SHISA6: variants seen among roughly 807,000 people sequenced by gnomAD.
The protein encoded by SHISA6 is protein shisa-6.
Under a neutral mutation model 47.9 loss-of-function variants are expected in SHISA6, and 22 were observed. The observed-to-expected ratio is 0.46, with a 90% confidence interval of 0.33 to 0.66. The LOEUF (loss-of-function observed/expected upper bound fraction) is 0.66, where lower values mean the gene tolerates loss of function less well. SHISA6 is among the 30% of genes least tolerant of loss of function. The pLI, the probability that SHISA6 is intolerant of heterozygous loss-of-function variation, is 0.02. For missense variants in SHISA6, 680 were observed against 764.6 expected (o/e 0.89, Z 1.30); for synonymous variants, 388 against 337.8 (o/e 1.15, Z -1.63).
chr17:11,313,846 G>C (rs574624573), intron 2 of SHISA6, among the ~76,000 whole-genome samples: 1 of 151,522 alleles, frequency 6.6e-6, no homozygotes, highest in Non-Finnish European at 1.5e-5. Flanking sequence ...AGATGAAGAC[G>C]GAGAGAGAGA....
chr17:11,390,282 C>T (rs1414123315), intron 3 of SHISA6, among the ~76,000 whole-genome samples: 1 of 152,172 alleles, frequency 6.6e-6, no homozygotes, highest in Non-Finnish European at 1.5e-5. Context: ...ACCTCTTTGA[C>T]ATTCATCTAT....
chr17:11,442,281 T>C (rs969642641), intron 3 of SHISA6, among the ~76,000 whole-genome samples: 5 of 151,960 alleles, frequency 3.3e-5, no homozygotes, highest in African/African-American at 1.2e-4. Context: ...TCACCCTGCC[T>C]GGAGTCAGTG....
intron 3 of SHISA6, among the ~76,000 whole-genome samples, chr17:11,383,392 T>C (rs906184559): frequency 6.6e-6 from 1 of 152,206 alleles, no homozygotes; most frequent in Non-Finnish European, 1.5e-5. Context: ...GGTAATTAAA[T>C]AGTCTCAAAG....
intron 2 of SHISA6, among the ~76,000 whole-genome samples, chr17:11,335,304 T>C (rs1911281133): frequency 6.6e-6 from 1 of 152,192 alleles, no homozygotes; most frequent in Non-Finnish European, 1.5e-5. Context: ...GCCAGCCATA[T>C]TGGGTCACTG....
At chr17:11,366,708 A>T (rs1196882677) in intron 2 of SHISA6, among the ~76,000 whole-genome samples, 1 of 152,138 alleles carries the variant, frequency 6.6e-6, no homozygotes, top group East Asian at 1.9e-4. Flanking sequence ...AATCGTCCTG[A>T]TGGGCCTTGC....
chr17:11,342,655 ACAAC>A (rs1331435971), intron 2 of SHISA6, among the ~76,000 whole-genome samples: 3 of 152,210 alleles, frequency 2.0e-5, no homozygotes, highest in African/African-American at 7.2e-5. Flanking sequence ...CCCAAAATAA[ACAAC>A]CAACCCCTCC....
chr17:11,345,295 A>C (rs1911664388), intron 2 of SHISA6, among the ~76,000 whole-genome samples: 1 of 152,062 alleles, frequency 6.6e-6, no homozygotes, highest in African/African-American at 2.4e-5. Context: ...TTTCCTTTCC[A>C]TTGGATAAAT....
chr17:11,514,529 C>T (rs774621058), intron 3 of SHISA6, among the ~76,000 whole-genome samples: 1 of 152,218 alleles, frequency 6.6e-6, no homozygotes. Flanking sequence ...CTGTGGCCTG[C>T]ATTGCATCCA....
At chr17:11,422,490 G>A (rs960397662) in intron 3 of SHISA6, among the ~76,000 whole-genome samples, 1 of 152,194 alleles carries the variant, frequency 6.6e-6, no homozygotes, top group African/African-American at 2.4e-5. Context: ...AGTGGCTTAT[G>A]CCTGTAATCC....
At chr17:11,262,686 G>C (rs1022687366) in intron 1 of SHISA6, among the ~76,000 whole-genome samples, 2 of 152,196 alleles carry the variant, frequency 1.3e-5, no homozygotes, top group East Asian at 1.9e-4. Flanking sequence ...CCTCTTGCAG[G>C]GGGGCGGGTC....
rs553400877 is a variant in SHISA6 at position 11,301,728 on chromosome 17, C to T, written c.799+38202C>T. Among the ~76,000 whole-genome samples, 15 of 152,252 alleles carry T rather than the reference C, an allele frequency of 9.9e-5. No individual in the cohort carries two copies. In the Middle Eastern group the frequency reaches 0.01, roughly 104 times the overall value. ...GTGGATCCCCAAGTCAATGTCATGC[C>T]GGTAGAAAGGATGGGAATGCAGGTG... is the stretch of plus-strand genomic sequence containing the variant. On this transcript the variant is annotated intron_variant, in intron 2 of 5. Coordinates refer to ENST00000441885, the MANE Select transcript of SHISA6 (RefSeq NM_207386.4).
chr17:11,496,104 T>C (rs2142342395), intron 3 of SHISA6, among the ~76,000 whole-genome samples: 1 of 152,104 alleles, frequency 6.6e-6, no homozygotes, highest in African/African-American at 2.4e-5. Flanking sequence ...GTACCCAGAG[T>C]CTACTTGCAA....
intron 3 of SHISA6, among the ~76,000 whole-genome samples, chr17:11,540,111 C>T (rs1186763186): frequency 6.6e-6 from 1 of 152,194 alleles, no homozygotes; most frequent in Non-Finnish European, 1.5e-5. Context: ...AGAAAACCAT[C>T]TGCCCGAACC....
intron 3 of SHISA6, among the ~76,000 whole-genome samples, chr17:11,524,549 T>C (rs2071659548): frequency 6.6e-6 from 1 of 151,072 alleles, no homozygotes; most frequent in South Asian, 2.1e-4. Context: ...CAGGCTAGAG[T>C]GAAATGGTGT....
At chr17:11,534,926 G>A (rs981518676) in intron 3 of SHISA6, among the ~76,000 whole-genome samples, 5 of 152,032 alleles carry the variant, frequency 3.3e-5, no homozygotes, top group African/African-American at 1.2e-4. Flanking sequence ...TCAAGAGATT[G>A]AGACCATCCT....
intron 3 of SHISA6, among the ~76,000 whole-genome samples, chr17:11,549,395 C>A (rs1309083181): frequency 2.0e-5 from 3 of 151,252 alleles, no homozygotes; most frequent in Admixed American, 6.6e-5. Context: ...ACTTGTAAAT[C>A]AAGACATATA....
At chr17:11,263,852 G>A (rs1390418995) in intron 2 of SHISA6, among the ~76,000 whole-genome samples, 1 of 152,182 alleles carries the variant, frequency 6.6e-6, no homozygotes, top group Admixed American at 6.5e-5. Flanking sequence ...CACGTGGTGG[G>A]AAACTTTAGG....
chr17:11,279,328 G>C (rs1217184670), intron 2 of SHISA6, among the ~76,000 whole-genome samples: 1 of 152,096 alleles, frequency 6.6e-6, no homozygotes, highest in African/African-American at 2.4e-5. Context: ...ATATCAACTT[G>C]TTAGACCCTC....
chr17:11,353,536 G>A (rs554155346), intron 2 of SHISA6, among the ~76,000 whole-genome samples: 2 of 151,970 alleles, frequency 1.3e-5, no homozygotes, highest in East Asian at 1.9e-4. Flanking sequence ...GCTACTGTTG[G>A]TCCCTTCAAC....
Sources: allele counts gnomAD v4.1 joint callset (sites outside exome capture counted in the v4.1 genomes callset), GRCh38; gene constraint gnomAD v4.1.1; transcripts MANE v1.5; gene names NCBI Gene and HGNC (gene_info 2026-07-23, HGNC 2026-07-21).